Variants in ATP13A4 observed in about 807,000 individuals in gnomAD.
ATP13A4 encodes probable cation-transporting ATPase 13A4.
ATP13A4 carries 114 observed loss-of-function variants against 142.5 expected under a neutral mutation model. The ratio of observed to expected loss-of-function variants is 0.80; its 90% CI spans 0.69 to 0.93. The LOEUF (loss-of-function observed/expected upper bound fraction) is 0.93. ATP13A4 is among the 40% of genes least tolerant of loss of function. ATP13A4 has a pLI of 0.00. For synonymous variants in ATP13A4, 488 were observed against 514.8 expected, an observed-to-expected ratio of 0.95 and a Z score of 0.70; for missense variants, 1,392 against 1,454.0, an observed-to-expected ratio of 0.96 and a Z score of 0.69.
At chr3:193,544,670 A>G (rs150034128) in intron 1 of ATP13A4, among the ~76,000 whole-genome samples, 18 of 152,326 alleles carry the variant, frequency 1.2e-4, no homozygotes, top group African/African-American at 3.6e-4. Flanking sequence ...AGCCCAAAAG[A>G]TCAGAGATTT....
At chr3:193,404,182 A>G (rs1714380314) in intron 29 of ATP13A4, 9 of 983,736 alleles carry the variant, frequency 9.1e-6, no homozygotes, top group Non-Finnish European at 1.1e-5. Flanking sequence ...ATAAGGCAGG[A>G]GCATCGAGTA....
rs538455497 is a variant in ATP13A4 at position 193,479,926 on chromosome 3, A to G, written c.808+4010T>C. ...TACTAGTATAAAAATGGGGATATAGACCAATGGAACACAATAGAGAACTTA... is the reference window on the plus strand; with the variant it reads ...TACTAGTATAAAAATGGGGATATAGGCCAATGGAACACAATAGAGAACTTA... On this transcript the variant is annotated intron_variant, in intron 8 of 29. Transcript: ENST00000342695. Among the ~76,000 whole-genome samples, 14 of 152,344 alleles carry G rather than the reference A, an allele frequency of 9.2e-5. 2 individuals carry two copies. Among genetic ancestry groups the G allele is most frequent in the African/African-American group, 3.1e-4 (13 of 41,588 alleles).
intron 1 of ATP13A4, among the ~76,000 whole-genome samples, chr3:193,533,453 T>A (rs1722432223): frequency 6.6e-6 from 1 of 151,928 alleles, no homozygotes; most frequent in African/African-American, 2.4e-5. Context: ...AAATAAAAAA[T>A]TAAAAAAGCA....
intron 22 of ATP13A4, 83 bp from the exon 23 acceptor site, chr3:193,438,667 T>G: frequency 8.2e-7 from 1 of 1,213,812 alleles, no homozygotes; most frequent in Non-Finnish European, 1.2e-6. Context: ...CCAGTTAAGC[T>G]GGCCACAAGG....
chr3:193,588,278 C>T (rs755465287), intron 1 of ATP13A4, among the ~76,000 whole-genome samples: 5 of 152,132 alleles, frequency 3.3e-5, no homozygotes, highest in Non-Finnish European at 7.3e-5. Flanking sequence ...TATTGCAAGC[C>T]CCATCTCCCT....
intron 7 of ATP13A4, among the ~76,000 whole-genome samples, chr3:193,489,296 T>C (rs1719811588): frequency 6.6e-6 from 1 of 152,026 alleles, no homozygotes; most frequent in African/African-American, 2.4e-5. Context: ...GGTGTAGGCA[T>C]AAAGAAAGTC....
intron 2 of ATP13A4, among the ~76,000 whole-genome samples, chr3:193,503,744 T>C (rs1479405546): frequency 6.6e-6 from 1 of 152,190 alleles, no homozygotes; most frequent in Non-Finnish European, 1.5e-5. Context: ...TAGTACACAT[T>C]CTTCTCTCTT....
intron 21 of ATP13A4, among the ~76,000 whole-genome samples, chr3:193,439,847 G>A (rs1224159570): frequency 6.6e-6 from 1 of 152,186 alleles, no homozygotes; most frequent in Non-Finnish European, 1.5e-5. Context: ...AGGGCTTTCT[G>A]AGCTGAGAAG....
At chr3:193,531,320 A>AAGAG (rs1722317044) in intron 1 of ATP13A4, among the ~76,000 whole-genome samples, 1 of 114,468 alleles carries the variant, frequency 8.7e-6, no homozygotes, top group Non-Finnish European at 1.9e-5. Context: ...GGAAGGAAGG[A>AAGAG]AGGAAGGAAG....
At chr3:193,575,689 T>C (rs1460516871) in intron 2 of ATP13A4, among the ~76,000 whole-genome samples, 1 of 152,232 alleles carries the variant, frequency 6.6e-6, no homozygotes, top group Non-Finnish European at 1.5e-5. Context: ...ATTACTACAA[T>C]ACCTGAAAAA....
intron 13 of ATP13A4, among the ~76,000 whole-genome samples, chr3:193,461,321 G>A (rs1452359225): frequency 6.6e-6 from 1 of 152,176 alleles, no homozygotes; most frequent in Non-Finnish European, 1.5e-5. Flanking sequence ...CTAGTACAGA[G>A]CTACAGCACT....
chr3:193,429,186 G>T (rs1045635313), intron 25 of ATP13A4, among the ~76,000 whole-genome samples: 1 of 152,026 alleles, frequency 6.6e-6, no homozygotes, highest in Non-Finnish European at 1.5e-5. Flanking sequence ...GAAGCAATTA[G>T]ACCCCTTATA....
intron 26 of ATP13A4, among the ~76,000 whole-genome samples, 165 bp from the exon 27 acceptor site, chr3:193,412,536 C>G (rs971469115): frequency 6.6e-6 from 1 of 151,578 alleles, no homozygotes. Flanking sequence ...CACACACACA[C>G]ACACACACAC....
chr3:193,497,927 C>G (rs1286662226), intron 3 of ATP13A4, among the ~76,000 whole-genome samples: 4 of 151,970 alleles, frequency 2.6e-5, no homozygotes, highest in Non-Finnish European at 5.9e-5. Context: ...ATAGCATAGA[C>G]AAAGGGATAG....
intron 3 of ATP13A4, among the ~76,000 whole-genome samples, chr3:193,499,372 T>C (rs1364903946): frequency 6.6e-6 from 1 of 152,238 alleles, no homozygotes; most frequent in African/African-American, 2.4e-5. Context: ...CCTCACAATT[T>C]ACTTTTCTCT....
At chr3:193,468,249 C>T (rs1298847274) in intron 9 of ATP13A4, among the ~76,000 whole-genome samples, 1 of 152,060 alleles carries the variant, frequency 6.6e-6, no homozygotes, top group Admixed American at 6.5e-5. Flanking sequence ...AGAGATTTAA[C>T]CACTTTAATC....
At chr3:193,483,081 T>TA (rs1168072602) in intron 8 of ATP13A4, among the ~76,000 whole-genome samples, 2 of 152,052 alleles carry the variant, frequency 1.3e-5, no homozygotes, top group Non-Finnish European at 2.9e-5. Context: ...TTGATACACT[T>TA]AAAAAAATGG....
rs1229145689 is a variant in ATP13A4 at position 193,573,308 on chromosome 3, C to CGTATATATATATATATTTTTATAT, written n.291+8398_291+8399insATATAAAAATATATATATATATAC. On this transcript the variant is annotated intron_variant and non_coding_transcript_variant, in intron 2 of 3. Coordinates refer to the ATP13A4 transcript ENST00000489140. ...ATATATACACATATATATATATATACATATATATATATATATATAATTTGT... is the reference window on the plus strand; with the variant it reads ...ATATATACACATATATATATATATACGTATATATATATATATTTTTATATATATATATATATATATATAATTTGT... 9.6e-4 allele frequency among the ~76,000 whole-genome samples: 100 copies of CGTATATATATATATATTTTTATAT among 103,654 alleles called. 2 individuals carry two copies. Among genetic ancestry groups the CGTATATATATATATATTTTTATAT allele is most frequent in the Non-Finnish European group, 1.6e-3 (91 of 55,218 alleles). The allele number at this position is 103,654 out of a possible 152,430, so 68.0% of individuals were successfully genotyped here.
At position 193,444,135 on chromosome 3, in the gene ATP13A4, T is replaced by C. The variant is rs576382462; in HGVS notation, c.2153-1579A>G. On this transcript the variant is annotated intron_variant, in intron 18 of 29. Transcript: ENST00000342695. ...TTAGTGAGAATCACAACCAGACATATAGTAATCAAACTGCTAAAAATCAAA... is the reference window on the plus strand; with the variant it reads ...TTAGTGAGAATCACAACCAGACATACAGTAATCAAACTGCTAAAAATCAAA... Among the ~76,000 whole-genome samples the C allele has an allele frequency of 1.1e-4, 16 of 152,176 alleles. No individual in the cohort carries two copies. The East Asian group carries it at 1.9e-3, about 18-fold the overall frequency.
Sources: gnomAD v4.1 joint callset for allele counts (sites outside exome capture counted in the v4.1 genomes callset) on GRCh38, gnomAD v4.1.1 for gene constraint, MANE v1.5 for transcripts, NCBI Gene and HGNC (gene_info 2026-07-23, HGNC 2026-07-21) for gene names.